Variants in PTPRU observed in about 807,000 individuals in gnomAD.
PTPRU encodes the protein protein tyrosine phosphatase receptor type U.
In PTPRU, 69 loss-of-function variants were observed where a neutral mutation model predicts 166.3. The ratio of observed to expected loss-of-function variants is 0.41; its 90% CI spans 0.34 to 0.51. PTPRU has a LOEUF of 0.51. PTPRU is among the 20% of genes least tolerant of loss of function. The pLI is 0.09. For missense variants in PTPRU, 1,657 were observed against 2,013.7 expected (o/e 0.82, Z 3.39); for synonymous variants, 793 against 814.0 (o/e 0.97, Z 0.44).
intron 15 of PTPRU, among the ~76,000 whole-genome samples, chr1:29,303,196 G>A (rs1319249703): frequency 6.6e-6 from 1 of 152,198 alleles, no homozygotes; most frequent in Admixed American, 6.5e-5. Flanking sequence ...CAAGACCAGA[G>A]TGGGACGTCC....
In PTPRU at chr1:29,323,738, G is replaced by A; in HGVS notation, c.4062G>A (p.Val1354=). Residue 1354 remains valine, a synonymous_variant, in exon 28 of 30, where the codon GTG becomes GTA. Transcript: ENST00000373779. ...CCTTCTTGCACCTGCTGGCTGAGGT[G>A]GACAAGTGGCAGGCCGAGAGTGGGG... ...KKAFLHLLAE[V]DKWQAESGDG... 6.2e-7 allele frequency: 1 copy of A among 1,614,180 alleles called. No homozygotes were observed. The highest frequency in any genetic ancestry group is 8.5e-7 in the Non-Finnish European group (1 of 1,180,006).
intron 1 of PTPRU, among the ~76,000 whole-genome samples, chr1:29,244,975 GGGGA>G (rs1352489022): frequency 6.6e-6 from 1 of 152,088 alleles, no homozygotes; most frequent in Non-Finnish European, 1.5e-5. Context: ...GGTGGTGGTT[GGGGA>G]GTGCCTAGCC....
intron 7 of PTPRU, among the ~76,000 whole-genome samples, chr1:29,265,439 T>C (rs1229981277): frequency 6.6e-6 from 1 of 151,938 alleles, no homozygotes; most frequent in East Asian, 1.9e-4. Flanking sequence ...CTCAGCTCAC[T>C]GCAACCTCCA....
intron 5 of PTPRU, 36 bp downstream of exon 5, chr1:29,259,600 T>TTTTTTTGGGGGGGGGGGGGGGG: frequency 5.9e-5 from 15 of 253,500 alleles, no homozygotes; most frequent in East Asian, 8.6e-5. Flanking sequence ...GGGGGCGGGG[T>TTTTTTTGGGGGGGGGGGGGGGG]GGGAGGGGGT....
intron 11 of PTPRU, among the ~76,000 whole-genome samples, chr1:29,281,944 T>G (rs1686098980): frequency 6.6e-6 from 1 of 152,228 alleles, no homozygotes; most frequent in South Asian, 2.1e-4. Context: ...GAGGAGCTCA[T>G]AGCAGAAACC....
At chr1:29,301,267 C>CTT (rs1357432632) in intron 15 of PTPRU, among the ~76,000 whole-genome samples, 1 of 152,116 alleles carries the variant, frequency 6.6e-6, no homozygotes, top group Non-Finnish European at 1.5e-5. Flanking sequence ...CATGGTGGTC[C>CTT]TATAAGATTA....
chr1:29,261,768 G>A (rs933345808), intron 7 of PTPRU, among the ~76,000 whole-genome samples: 3 of 152,044 alleles, frequency 2.0e-5, no homozygotes, highest in Non-Finnish European at 4.4e-5. Flanking sequence ...CCTGACCTCA[G>A]GTGATCCACC....
At chr1:29,304,992 G>T (rs896616959) in intron 17 of PTPRU, 143 bp downstream of exon 17, 2 of 676,686 alleles carry the variant, frequency 3.0e-6, no homozygotes, top group East Asian at 5.5e-5. Context: ...CACACGTCAC[G>T]CCCTGTGCTT....
At position 29,275,563 on chromosome 1, in the gene PTPRU, G is replaced by T. The variant is rs777157836; in HGVS notation, c.1260G>T (p.Ser420=). Residue 420 remains serine (S), a synonymous_variant, in exon 8 of 30, where the codon TCG becomes TCT. Coordinates refer to ENST00000373779, the MANE Select transcript of PTPRU (RefSeq NM_133178.4). ...NVTRCHTYTV[S]LCYHYTLGSS... Reference sequence around the variant, plus strand: ...CGCGTTGCCACACCTATACTGTGTCGCTGTGCTATCACTACACCCTGGGCA... The same window carrying T: ...CGCGTTGCCACACCTATACTGTGTCTCTGTGCTATCACTACACCCTGGGCA... 2 of 1,614,154 alleles carry T rather than the reference G, an allele frequency of 1.2e-6. No individual in the cohort carries two copies. The highest frequency in any genetic ancestry group is 8.5e-7 in the Non-Finnish European group (1 of 1,180,028).
intron 7 of PTPRU, among the ~76,000 whole-genome samples, chr1:29,263,277 A>T (rs2151946481): frequency 6.6e-6 from 1 of 152,282 alleles, no homozygotes; most frequent in East Asian, 1.9e-4. Flanking sequence ...GAGCCACTGC[A>T]CCTGACCCTT....
chr1:29,277,225 T>C (rs1685844583), intron 8 of PTPRU, among the ~76,000 whole-genome samples: 1 of 152,120 alleles, frequency 6.6e-6, no homozygotes, highest in Non-Finnish European at 1.5e-5. Flanking sequence ...CTCAGCCTCC[T>C]GAGTAGCTGG....
At position 29,323,642 on chromosome 1, in the gene PTPRU, G is replaced by A. The variant is rs760058090; in HGVS notation, c.3966G>A (p.Gly1322=). The change falls in exon 28 of 30, where the codon GGG becomes GGA. Residue 1322 remains glycine, a synonymous_variant. Transcript: ENST00000373779. ...RVQNISRLQE[G]HLLVRHFQFL... ...GCCCCTGTCCCCAGTTGCAGGAGGG[G>A]CACCTGCTGGTGCGGCACTTCCAGT... 6.2e-7 allele frequency: 1 copy of A among 1,614,056 alleles called. No homozygotes were observed. The highest frequency in any genetic ancestry group is 1.1e-5 in the South Asian group (1 of 91,054).
rs771289142 is a variant in PTPRU, at chr1:29,304,012, G to C, written c.2634G>C (p.Thr878=). ...TGCAGCACATCAACCAGATGAAGAC[G>C]GCCGAGGGTTACGGCTTCAAGCAGG... is the stretch of plus-strand genomic sequence containing the variant. ...DLLQHINQMK[T]AEGYGFKQEY... The change falls in exon 16 of 30, where the codon ACG becomes ACC. Residue 878 remains threonine, a synonymous_variant. Transcript: ENST00000373779. 1 of 1,611,234 alleles carries C rather than the reference G, an allele frequency of 6.2e-7. No homozygotes were observed. Among genetic ancestry groups the C allele is most frequent in the East Asian group, 2.2e-5 (1 of 44,812 alleles).
At position 29,275,755 on chromosome 1, in the gene PTPRU, T is replaced by C; in HGVS notation, c.1452T>C (p.Asp484=). Residue 484 remains aspartate (D), a splice_region_variant and synonymous_variant, in exon 8 of 30, where the codon GAT becomes GAC. Coordinates refer to ENST00000373779, the MANE Select transcript of PTPRU (RefSeq NM_133178.4). The stretch of plus-strand genomic sequence containing the variant: ...AGGTCACTTTCCAGACGGATGAGGA[T>C]GGTAAGAGTCTCAGTCCCAATTCCC... ...GKEVTFQTDE[D]VPSGIAAESL... 1 of 1,613,258 alleles carries C rather than the reference T, an allele frequency of 6.2e-7. No individual in the cohort carries two copies. The highest frequency in any genetic ancestry group is 1.1e-5 in the South Asian group (1 of 91,028).
At chr1:29,316,235 G>A in intron 24 of PTPRU, 84 bp downstream of exon 24, 1 of 1,454,278 alleles carries the variant, frequency 6.9e-7, no homozygotes, top group Non-Finnish European at 9.3e-7. Context: ...AGGAGTCATT[G>A]AGGGCCAAGA....
chr1:29,277,343 T>C (rs1233651209), intron 8 of PTPRU, among the ~76,000 whole-genome samples: 1 of 152,116 alleles, frequency 6.6e-6, no homozygotes, highest in East Asian at 1.9e-4. Flanking sequence ...TCAGGTGATC[T>C]GCCCACCTTG....
rs115795467 is a variant in PTPRU, at chr1:29,260,586, C to T, written c.851-24C>T. On this transcript the variant is annotated intron_variant, in intron 6 of 29. Coordinates refer to ENST00000373779, the MANE Select transcript of PTPRU (RefSeq NM_133178.4). The surrounding 1 kb of genome is among the most constrained non-coding windows in gnomAD (Gnocchi z 8.3). ...GTCTCACAGCAGCATCGGTCCGCCT[C>T]GCCTCTCCCCCATCTCCTCGCAGAG... 7.4e-4 allele frequency: 1,089 copies of T among 1,476,608 alleles called. 8 individuals carry two copies. In the African/African-American group the frequency reaches 0.014, roughly 19 times the overall value. 91.5% of individuals were successfully genotyped at this position (1,476,608 alleles called of 1,614,324 possible). A position where few individuals can be genotyped will look rare whatever the true frequency, so the allele number is the denominator to read the frequency against.
intron 7 of PTPRU, among the ~76,000 whole-genome samples, chr1:29,270,410 T>A (rs1685509222): frequency 6.6e-6 from 1 of 152,052 alleles, no homozygotes; most frequent in African/African-American, 2.4e-5. Context: ...GGGCTGAAGC[T>A]ATTCACCCAC....
rs776725310 is a variant in PTPRU, at chr1:29,325,662, C to T, written c.*1C>T. On this transcript the variant is annotated 3_prime_UTR_variant, in exon 30 of 30. Coordinates refer to ENST00000373779, the MANE Select transcript of PTPRU (RefSeq NM_133178.4). The stretch of plus-strand genomic sequence containing the variant: ...CTTGGAGGGGCTGGAGTCAAGATAG[C>T]GGGGCCCTGGCCTGGGGCACCCACT... The T allele has an allele frequency of 6.9e-6, 11 of 1,603,178 alleles. No individual in the cohort carries two copies. The highest frequency in any genetic ancestry group is 6.8e-5 in the Admixed American group (4 of 59,112).
Sources: allele counts gnomAD v4.1 joint callset (sites outside exome capture counted in the v4.1 genomes callset), GRCh38; gene constraint gnomAD v4.1.1; non-coding constraint Gnocchi (gnomAD v3.1); transcripts MANE v1.5; gene names NCBI Gene and HGNC (gene_info 2026-07-23, HGNC 2026-07-21).